Variants in PKD1 observed in about 807,000 individuals in gnomAD.
PKD1 encodes polycystin-1.
Under a neutral mutation model 361.7 loss-of-function variants are expected in PKD1, and 81 were observed. The ratio of observed to expected loss-of-function variants is 0.22; its 90% CI spans 0.19 to 0.27. The LOEUF (loss-of-function observed/expected upper bound fraction) is 0.27. PKD1 is among the 10% of genes least tolerant of loss of function. The pLI is 1.00. For synonymous variants in PKD1, 3,615 were observed against 2,818.3 expected (o/e 1.28, Z -8.95); for missense variants, 6,399 against 6,118.3 (o/e 1.05, Z -1.53).
At chr16:2,130,170 C>A (rs1438065457) in intron 1 of PKD1, among the ~76,000 whole-genome samples, 2 of 152,228 alleles carry the variant, frequency 1.3e-5, no homozygotes, top group Admixed American at 6.5e-5. Context: ...TCTGAACGCC[C>A]GAGTGCGGGA....
In PKD1 at chr16:2,108,562, G is replaced by A. The variant is rs764264106; in HGVS notation, c.6605C>T (p.Ala2202Val). ...GTCCACGCCGGGCAGGGCCACACGC[G>A]CTGGGCGCCCCGGCCGCTGGCAGCT... Reference protein sequence around the residue: ...TASCQRPGRPARVALPGVDVS... With the variant: ...TASCQRPGRPVRVALPGVDVS... Residue 2202 changes from alanine (A) to valine (V), a missense_variant, in exon 15 of 46, where the codon GCG becomes GTG. Coordinates refer to ENST00000262304, the MANE Select transcript of PKD1 (RefSeq NM_001009944.3). 34 of 1,586,584 alleles carry A rather than the reference G, an allele frequency of 2.1e-5. No homozygotes were observed. The highest frequency in any genetic ancestry group is 4.5e-4 in the Middle Eastern group (2 of 4,406).
intron 34 of PKD1, among the ~76,000 whole-genome samples, chr16:2,096,196 G>A (rs1027550387): frequency 5.3e-5 from 8 of 152,276 alleles, no homozygotes; most frequent in Admixed American, 6.5e-5. Flanking sequence ...GTCACAGGGC[G>A]TAGTTACCCA....
In PKD1 at chr16:2,109,691, A is replaced by G. The variant is rs1233648475; in HGVS notation, c.5476T>C (p.Trp1826Arg). ...TTGGTGCCCGTGGCCAGCTGCCCCC[A>G]AAAGGGCACAGAGGACCCGGCCGCC... ...FVAAGSSVPF[W>R]GQLATGTNVS... Residue 1826 changes from tryptophan to arginine, a missense_variant, in exon 15 of 46, where the codon TGG becomes CGG. Trp to Arg is a moderately radical substitution (Grantham distance 101, BLOSUM62 -3). Transcript: ENST00000262304. 1.3e-6 allele frequency: 2 copies of G among 1,592,806 alleles called. No individual in the cohort carries two copies. Among genetic ancestry groups the G allele is most frequent in the African/African-American group, 2.7e-5 (2 of 74,470 alleles).
chr16:2,107,067 G>A lies in PKD1; in HGVS notation c.7066-119C>T, dbSNP rs550492551. The A allele has an allele frequency of 9.3e-5, 85 of 912,000 alleles. 1 individual carries two copies. The highest frequency in any genetic ancestry group is 7.1e-4 in the African/African-American group (42 of 59,556). The allele number at this position is 912,000 out of a possible 1,614,324, so 56.5% of individuals were successfully genotyped here. On this transcript the variant is annotated intron_variant, in intron 16 of 45. Transcript: ENST00000262304. ...GTTTCCCAGGGGCCTGGCCACTGCC[G>A]GTGAGCTCACTCCCTCCCAGGATAC...
At position 2,117,765 on chromosome 16, in the gene PKD1, A is replaced by C. The variant is rs920597537; in HGVS notation, c.1201+26T>G. Reference sequence around the variant, plus strand: ...CCCCATCTGGATGGCCCTGGGGAGGAAGGGGAGTGGGCAGCAGACACTCAC... The same window carrying C: ...CCCCATCTGGATGGCCCTGGGGAGGCAGGGGAGTGGGCAGCAGACACTCAC... On this transcript the variant is annotated intron_variant, in intron 5 of 45. Coordinates refer to ENST00000262304, the MANE Select transcript of PKD1 (RefSeq NM_001009944.3). 148 of 1,076,994 alleles carry C rather than the reference A, an allele frequency of 1.4e-4. No individual in the cohort carries two copies. The African/African-American group carries it at 1.5e-3, about 11-fold the overall frequency. 66.7% of individuals were successfully genotyped at this position (1,076,994 alleles called of 1,614,324 possible). A position where few individuals can be genotyped will look rare whatever the true frequency, so the allele number is the denominator to read the frequency against.
In PKD1 at chr16:2,089,998, C is replaced by G; in HGVS notation, c.12641G>C (p.Arg4214Pro). ...CAGGGCCTCGAACACGGCTTGGAGG[C>G]GGGAGGGCTCAGGCTCACACCTTGT... The part of the protein sequence containing the change: ...LGTRCEPEPS[R>P]LQAVFEALLT... Residue 4214 changes from arginine to proline, a missense_variant, in exon 46 of 46, where the codon CGC becomes CCC. By Grantham distance (103) the Arg-to-Pro change is moderately radical. Coordinates refer to ENST00000262304, the MANE Select transcript of PKD1 (RefSeq NM_001009944.3). The G allele has an allele frequency of 6.2e-7, 1 of 1,610,032 alleles. No individual in the cohort carries two copies. The highest frequency in any genetic ancestry group is 8.5e-7 in the Non-Finnish European group (1 of 1,178,998).
rs151044657 is a variant in PKD1 at position 2,090,761 on chromosome 16, C to G, written c.12051G>C (p.Lys4017Asn). The change falls in exon 44 of 46, where the codon AAG becomes AAC. Residue 4017 changes from lysine to asparagine, a missense_variant. Lys to Asn is a moderately conservative substitution (Grantham distance 94). Transcript: ENST00000262304. ...RFVRQWSVFG[K>N]TLCRALPELL... The stretch of plus-strand genomic sequence containing the variant: ...GCTCTGGCAGAGCTCGGCATAATGT[C>G]TTGCCAAAGACGGACCACTGGCGCA... 169 of 1,612,576 alleles carry G rather than the reference C, an allele frequency of 1.0e-4. No individual in the cohort carries two copies. The highest frequency in any genetic ancestry group is 1.4e-4 in the Non-Finnish European group (161 of 1,179,974).
At chr16:2,099,431 T>C (rs1165856700) in intron 30 of PKD1, 2 of 658,088 alleles carry the variant, frequency 3.0e-6, no homozygotes, top group Non-Finnish European at 5.5e-6. Context: ...CTTAGCAAAG[T>C]GCCCTCGTTC....
At chr16:2,123,412 G>C (rs1266666329) in intron 1 of PKD1, 1 of 455,870 alleles carries the variant, frequency 2.2e-6, no homozygotes, top group African/African-American at 2.0e-5. Flanking sequence ...GCAGGACTCA[G>C]GTGTGGGCTT....
In PKD1 at chr16:2,103,820, C is replaced by A. The variant is rs1800569; in HGVS notation, c.8237G>T (p.Arg2746Leu). The A allele has an allele frequency of 1.2e-6, 2 of 1,608,100 alleles. No homozygotes were observed. The highest frequency in any genetic ancestry group is 1.7e-5 in the Admixed American group (1 of 59,884). The change falls in exon 23 of 46, where the codon CGG becomes CTG. Residue 2746 changes from arginine to leucine, a missense_variant. Arg to Leu is a moderately radical substitution (Grantham distance 102, BLOSUM62 -2). Coordinates refer to ENST00000262304, the MANE Select transcript of PKD1 (RefSeq NM_001009944.3). The part of the protein sequence containing the change: ...PSELGAESPS[R>L]MVASQAYNLT... ...GTTGTAGGCCTGGGACGCCACCATCCGAGATGGTGACTCGGCTCCCAGCTC... is the reference window on the plus strand; with the variant it reads ...GTTGTAGGCCTGGGACGCCACCATCAGAGATGGTGACTCGGCTCCCAGCTC...
chr16:2,115,026 C>G lies in PKD1; in HGVS notation c.2098-101G>C, dbSNP rs1230864198. 8 of 1,513,630 alleles carry G rather than the reference C, an allele frequency of 5.3e-6. No individual in the cohort carries two copies. In the African/African-American group the frequency reaches 8.2e-5, roughly 16 times the overall value. 93.8% of individuals were successfully genotyped at this position (1,513,630 alleles called of 1,614,324 possible). ...GGACACGCAGGGCTCCCCGCTTCGT[C>G]AGCCACACCTCAAGGAGCCTCCCCA... is the stretch of plus-strand genomic sequence containing the variant. On this transcript the variant is annotated intron_variant, in intron 10 of 45. Coordinates refer to ENST00000262304, the MANE Select transcript of PKD1 (RefSeq NM_001009944.3).
At chr16:2,093,399 G>A (rs1442869269) in intron 37 of PKD1, 145 bp downstream of exon 37, 2 of 824,052 alleles carry the variant, frequency 2.4e-6, no homozygotes, top group South Asian at 1.7e-5. Flanking sequence ...GGGTAGGAGG[G>A]AGACCGGGCA....
chr16:2,109,355 G>A lies in PKD1; in HGVS notation c.5812C>T (p.His1938Tyr), dbSNP rs1471421229. ...PEVLPGPRFS[H>Y]SFPRVGDHVV... Reference sequence around the variant, plus strand: ...TGGTCTCCGACGCGGGGGAAGCTGTGGGAGAAACGGGGCCCGGGGAGCACC... The same window carrying A: ...TGGTCTCCGACGCGGGGGAAGCTGTAGGAGAAACGGGGCCCGGGGAGCACC... The change falls in exon 15 of 46, where the codon CAC becomes TAC. Residue 1938 changes from histidine (H) to tyrosine (Y), a missense_variant. Coordinates refer to ENST00000262304, the MANE Select transcript of PKD1 (RefSeq NM_001009944.3). 6.3e-7 allele frequency: 1 copy of A among 1,592,062 alleles called. No individual in the cohort carries two copies. The highest frequency in any genetic ancestry group is 8.5e-7 in the Non-Finnish European group (1 of 1,173,732).
chr16:2,127,826 C>T (rs1567227453), intron 1 of PKD1, among the ~76,000 whole-genome samples: 1 of 150,192 alleles, frequency 6.7e-6, no homozygotes, highest in Non-Finnish European at 1.5e-5. Flanking sequence ...GGCGCAAATT[C>T]CCTACATCTG....
Position 2,089,485 on chromosome 16 carries a change from CT to C in PKD1, c.*241del, listed in dbSNP as rs2091351295. 5 of 577,384 alleles carry C rather than the reference CT, an allele frequency of 8.7e-6. No homozygotes were observed. In the Admixed American group the frequency reaches 1.5e-4, roughly 18 times the overall value. 35.8% of individuals were successfully genotyped at this position (577,384 alleles called of 1,614,324 possible). Reference sequence around the variant, plus strand: ...GGGAAATAAATTAGCATCTCAGAGGCTAGAAACCGTCCAATACTGCTGTGTC... The same window carrying C: ...GGGAAATAAATTAGCATCTCAGAGGCAGAAACCGTCCAATACTGCTGTGTC... On this transcript the variant is annotated 3_prime_UTR_variant, in exon 46 of 46. Coordinates refer to ENST00000262304, the MANE Select transcript of PKD1 (RefSeq NM_001009944.3).
intron 1 of PKD1, among the ~76,000 whole-genome samples, chr16:2,121,020 G>GAA (rs1025929550): frequency 1.5e-5 from 2 of 137,132 alleles, no homozygotes; most frequent in Non-Finnish European, 3.2e-5. Context: ...CATCTCAAAA[G>GAA]AAAAAAAAAA....
At chr16:2,107,830 C>G (rs1000659139) in intron 16 of PKD1, 53 bp downstream of exon 16, 49 of 1,516,102 alleles carry the variant, frequency 3.2e-5, no homozygotes, top group Middle Eastern at 4.6e-4. Flanking sequence ...CAGTAGATGA[C>G]CAGGGAGGCT....
chr16:2,115,634 A>T lies in PKD1; in HGVS notation c.1850-9T>A. 6.3e-7 allele frequency: 1 copy of T among 1,597,546 alleles called. No individual in the cohort carries two copies. The highest frequency in any genetic ancestry group is 2.2e-5 in the East Asian group (1 of 44,756). On this transcript the variant is annotated splice_polypyrimidine_tract_variant and intron_variant, in intron 9 of 45. Transcript: ENST00000262304. Reference sequence around the variant, plus strand: ...GCCGTTCTCCGGGGTCCCTGTGAGGAGGGGAGGGTGTTGGGGCCCTGATTT... The same window carrying T: ...GCCGTTCTCCGGGGTCCCTGTGAGGTGGGGAGGGTGTTGGGGCCCTGATTT...
intron 1 of PKD1, 92 bp from the exon 2 acceptor site, chr16:2,119,470 A>G: frequency 1.4e-6 from 1 of 730,816 alleles, no homozygotes; most frequent in Non-Finnish European, 2.4e-6. Flanking sequence ...AGCATCCCCA[A>G]GCTATGGCCT....
Sources: gnomAD v4.1 joint callset for allele counts (sites outside exome capture counted in the v4.1 genomes callset) on GRCh38, gnomAD v4.1.1 for gene constraint, MANE v1.5 for transcripts, NCBI Gene and HGNC (gene_info 2026-07-23, HGNC 2026-07-21) for gene names.